The following NRXN3 variants were observed in gnomAD, a reference collection of about 807,000 sequenced individuals.
The protein encoded by NRXN3 is neurexin 3.
NRXN3 carries 32 observed loss-of-function variants against 137.6 expected under a neutral mutation model. That is an observed-to-expected ratio of 0.23 (90% CI 0.18 to 0.31). The LOEUF (loss-of-function observed/expected upper bound fraction) is 0.31. NRXN3 is among the 10% of genes least tolerant of loss of function. NRXN3 has a pLI of 1.00. For synonymous variants in NRXN3, 798 were observed against 784.5 expected, an observed-to-expected ratio of 1.02 and a Z score of -0.29; for missense variants, 1,574 against 2,062.5, an observed-to-expected ratio of 0.76 and a Z score of 4.59.
chr14:78,642,519 A>G (rs1035080753), intron 4 of NRXN3, among the ~76,000 whole-genome samples: 2 of 152,160 alleles, frequency 1.3e-5, no homozygotes, highest in Admixed American at 6.5e-5. Context: ...CATTTTTCTC[A>G]GTTCAGTGGG....
chr14:79,204,376 A>G (rs774698469), intron 15 of NRXN3, among the ~76,000 whole-genome samples: 4 of 151,778 alleles, frequency 2.6e-5, no homozygotes, highest in Non-Finnish European at 5.9e-5. Flanking sequence ...GGTAACAGTT[A>G]CCAAGCAAAG....
intron 4 of NRXN3, among the ~76,000 whole-genome samples, chr14:78,630,791 G>C (rs1409566643): frequency 1.3e-5 from 2 of 152,008 alleles, no homozygotes; most frequent in African/African-American, 4.8e-5. Context: ...ATTTTTAGTA[G>C]AGACGGGGTT....
intron 19 of NRXN3, among the ~76,000 whole-genome samples, chr14:79,766,158 C>G (rs924233272): frequency 6.6e-6 from 1 of 152,076 alleles, no homozygotes; most frequent in African/African-American, 2.4e-5. Context: ...TACCAAATAT[C>G]CTAATATAAC....
intron 1 of NRXN3, among the ~76,000 whole-genome samples, chr14:78,240,284 T>C (rs2066911426): frequency 6.6e-6 from 1 of 152,192 alleles, no homozygotes; most frequent in Non-Finnish European, 1.5e-5. Flanking sequence ...ACCCTGAGAA[T>C]GACCCTGCAT....
chr14:78,611,489 C>T (rs886952527), intron 4 of NRXN3, among the ~76,000 whole-genome samples: 1 of 151,568 alleles, frequency 6.6e-6, no homozygotes, highest in Non-Finnish European at 1.5e-5. Flanking sequence ...ATATATAATG[C>T]AATTATTTGC....
chr14:79,477,440 G>A (rs988999541), intron 16 of NRXN3, among the ~76,000 whole-genome samples: 1 of 152,102 alleles, frequency 6.6e-6, no homozygotes, highest in African/African-American at 2.4e-5. Context: ...CCAATTTGTA[G>A]CTCTGTGAAT....
chr14:78,571,073 A>C (rs1566779653), intron 4 of NRXN3, among the ~76,000 whole-genome samples: 1 of 152,222 alleles, frequency 6.6e-6, no homozygotes, highest in Non-Finnish European at 1.5e-5. Flanking sequence ...CTGTCTTGGC[A>C]GCCTCTGGCA....
At chr14:78,410,192 G>T (rs1200150646) in intron 4 of NRXN3, among the ~76,000 whole-genome samples, 1 of 152,174 alleles carries the variant, frequency 6.6e-6, no homozygotes, top group African/African-American at 2.4e-5. Flanking sequence ...ATTAGCTTAG[G>T]CCAATGGGTA....
chr14:79,274,342 A>G (rs1399171986), intron 15 of NRXN3, among the ~76,000 whole-genome samples: 1 of 152,172 alleles, frequency 6.6e-6, no homozygotes, highest in Admixed American at 6.5e-5. Context: ...CCAAAAAAAT[A>G]AAAAGTATTC....
chr14:79,477,417 G>A (rs1274038736), intron 16 of NRXN3, among the ~76,000 whole-genome samples: 3 of 152,144 alleles, frequency 2.0e-5, no homozygotes, highest in Non-Finnish European at 4.4e-5. Context: ...GTAAAATGCA[G>A]ATGGCAATAA....
chr14:79,000,925 T>C (rs957519991), intron 15 of NRXN3, among the ~76,000 whole-genome samples: 2 of 152,202 alleles, frequency 1.3e-5, no homozygotes, highest in Admixed American at 6.6e-5. Flanking sequence ...CTAACATATT[T>C]AATTTGCATT....
At chr14:78,245,710 TG>T (rs2067572672) in intron 2 of NRXN3, among the ~76,000 whole-genome samples, 1 of 152,222 alleles carries the variant, frequency 6.6e-6, no homozygotes, top group Admixed American at 6.5e-5. Flanking sequence ...TTGTCATGCA[TG>T]GGCTATTGCA....
chr14:78,960,553 T>C (rs2099406120), intron 11 of NRXN3, among the ~76,000 whole-genome samples: 1 of 152,240 alleles, frequency 6.6e-6, no homozygotes, highest in Admixed American at 6.5e-5. Flanking sequence ...GTAATGTGAT[T>C]GTGTTCTTGG....
At chr14:79,107,762 C>T (rs1434815794) in intron 15 of NRXN3, among the ~76,000 whole-genome samples, 2 of 151,962 alleles carry the variant, frequency 1.3e-5, no homozygotes. Flanking sequence ...ACTTGAAAGG[C>T]TGAGTAGATG....
At chr14:79,611,007 G>A (rs552892045) in intron 16 of NRXN3, among the ~76,000 whole-genome samples, 1 of 152,190 alleles carries the variant, frequency 6.6e-6, no homozygotes, top group Non-Finnish European at 1.5e-5. Flanking sequence ...GGCATAGTCA[G>A]CTGCTAGTTT....
chr14:79,265,068 C>A lies in NRXN3; in HGVS notation c.3263-202153C>A, dbSNP rs2078238886. Among the ~76,000 whole-genome samples, 4 of 151,730 alleles carry A rather than the reference C, an allele frequency of 2.6e-5. No homozygotes were observed. The South Asian group carries it at 8.3e-4, about 32-fold the overall frequency. On this transcript the variant is annotated intron_variant, in intron 15 of 20. Transcript: ENST00000335750. ...TGGCCAAATGTCGTATATAGTAGGA[C>A]AAAGAATGAGTTAAGATGGAAAAAA...
Position 78,331,266 on chromosome 14 carries a change from C to T in NRXN3, c.757+33406C>T, listed in dbSNP as rs765153758. Among the ~76,000 whole-genome samples, 10 of 152,078 alleles carry T rather than the reference C, an allele frequency of 6.6e-5. No homozygotes were observed. In the East Asian group the frequency reaches 7.7e-4, roughly 12 times the overall value. ...CTGGCTGGATTTGAGTTTTAAAGAC[C>T]GAGGCATGATTAGCCTTCTTTTTCT... On this transcript the variant is annotated intron_variant, in intron 4 of 20. Transcript: ENST00000335750.
chr14:78,523,265 G>A (rs1315715612), intron 4 of NRXN3, among the ~76,000 whole-genome samples: 1 of 152,202 alleles, frequency 6.6e-6, no homozygotes, highest in East Asian at 1.9e-4. Context: ...AATTTCCCTT[G>A]ATTGAGACAT....
At chr14:78,561,045 T>G (rs765866065) in intron 4 of NRXN3, among the ~76,000 whole-genome samples, 25 of 152,194 alleles carry the variant, frequency 1.6e-4, no homozygotes, top group Non-Finnish European at 2.5e-4. Context: ...ACAGCATAGC[T>G]TTACTTCTTA....
Sources: allele counts gnomAD v4.1 joint callset (sites outside exome capture counted in the v4.1 genomes callset), GRCh38; gene constraint gnomAD v4.1.1; transcripts MANE v1.5; gene names NCBI Gene and HGNC (gene_info 2026-07-23, HGNC 2026-07-21).